KAZN: variants seen among roughly 807,000 people sequenced by gnomAD.
KAZN encodes the protein kazrin, periplakin interacting protein.
KAZN carries 40 observed loss-of-function variants against 87.4 expected under a neutral mutation model. The ratio of observed to expected loss-of-function variants is 0.46; its 90% confidence interval spans 0.36 to 0.60. The LOEUF (loss-of-function observed/expected upper bound fraction) is 0.60, where lower values mean the gene tolerates loss of function less well. Ranked by LOEUF, KAZN falls within the 20% of genes least tolerant of loss-of-function variation. The pLI is 0.00. For missense variants in KAZN, 898 were observed against 1,073.9 expected, an observed-to-expected ratio of 0.84 and a Z score of 2.29; for synonymous variants, 466 against 458.3, an observed-to-expected ratio of 1.02 and a Z score of -0.22.
At chr1:13,923,579 A>G (rs1640152539) in intron 1 of KAZN, among the ~76,000 whole-genome samples, 1 of 141,288 alleles carries the variant, frequency 7.1e-6, no homozygotes, top group African/African-American at 2.7e-5. Context: ...TCTCAAAAAA[A>G]AAAAAAAAAA....
chr1:13,947,060 C>G (rs1641174041), intron 1 of KAZN, among the ~76,000 whole-genome samples: 1 of 152,180 alleles, frequency 6.6e-6, no homozygotes, highest in African/African-American at 2.4e-5. Flanking sequence ...GATCTCTGCC[C>G]CCATGGTCAC....
intron 2 of KAZN, among the ~76,000 whole-genome samples, chr1:14,318,220 C>G (rs1426736728): frequency 6.6e-6 from 1 of 152,106 alleles, no homozygotes; most frequent in Admixed American, 6.6e-5. Context: ...AGAATTTCCT[C>G]TCACATCTCT....
At chr1:14,449,457 C>A (rs770987226) in intron 2 of KAZN, among the ~76,000 whole-genome samples, 3 of 152,210 alleles carry the variant, frequency 2.0e-5, no homozygotes, top group African/African-American at 7.2e-5. Flanking sequence ...TGACCTTGAG[C>A]TTAAAGCTTC....
At chr1:14,061,787 A>G (rs1281420257) in intron 1 of KAZN, among the ~76,000 whole-genome samples, 1 of 152,174 alleles carries the variant, frequency 6.6e-6, no homozygotes, top group Non-Finnish European at 1.5e-5. Flanking sequence ...ATTAAGGAGG[A>G]AGCTTGCCTT....
intron 2 of KAZN, among the ~76,000 whole-genome samples, chr1:14,204,311 A>G (rs1646696242): frequency 6.6e-6 from 1 of 152,226 alleles, no homozygotes; most frequent in Non-Finnish European, 1.5e-5. Flanking sequence ...CATACCTTGT[A>G]TAGGACATGC....
chr1:14,100,487 TG>T (rs1295446681), intron 1 of KAZN, among the ~76,000 whole-genome samples: 1 of 152,136 alleles, frequency 6.6e-6, no homozygotes, highest in East Asian at 1.9e-4. Context: ...GCATGAAGTC[TG>T]GGGGAAACCA....
intron 2 of KAZN, among the ~76,000 whole-genome samples, chr1:14,976,293 T>C (rs1374912714): frequency 1.3e-5 from 2 of 152,164 alleles, no homozygotes; most frequent in Non-Finnish European, 2.9e-5. Flanking sequence ...CTCAGCCTCC[T>C]GAGTAGCTGG....
At chr1:14,851,153 T>C (rs1294515920) in intron 1 of KAZN, among the ~76,000 whole-genome samples, 1 of 152,106 alleles carries the variant, frequency 6.6e-6, no homozygotes, top group African/African-American at 2.4e-5. Context: ...CCTAGACGGC[T>C]CACAGCTGTA....
intron 1 of KAZN, among the ~76,000 whole-genome samples, chr1:14,066,439 G>A (rs974890713): frequency 3.9e-4 from 59 of 152,306 alleles, no homozygotes; most frequent in Non-Finnish European, 5.0e-4. Flanking sequence ...CTGAATTCCT[G>A]TTGAATCTCG....
chr1:14,168,508 G>T (rs10489144), intron 1 of KAZN, among the ~76,000 whole-genome samples: 1 of 152,024 alleles, frequency 6.6e-6, no homozygotes, highest in Admixed American at 6.5e-5. Context: ...ATTAGAGGTG[G>T]CCTTTTTTGC....
chr1:14,983,519 T>TG (rs894989056), intron 2 of KAZN, among the ~76,000 whole-genome samples: 7 of 139,790 alleles, frequency 5.0e-5, no homozygotes, highest in African/African-American at 1.9e-4. Context: ...GTGACCCCTG[T>TG]GGGGGGAGCA....
At chr1:14,508,240 A>C (rs1210467182) in intron 2 of KAZN, among the ~76,000 whole-genome samples, 1 of 152,136 alleles carries the variant, frequency 6.6e-6, no homozygotes, top group Non-Finnish European at 1.5e-5. Flanking sequence ...ACTAGAAGAG[A>C]TAGTTCTGGG....
At chr1:14,342,296 T>C (rs1415985231) in intron 2 of KAZN, among the ~76,000 whole-genome samples, 3 of 152,220 alleles carry the variant, frequency 2.0e-5, no homozygotes, top group Non-Finnish European at 4.4e-5. Context: ...GCAATGAACA[T>C]ACATGTACAT....
At chr1:14,750,099 T>C (rs1055675457) in intron 1 of KAZN, among the ~76,000 whole-genome samples, 1 of 152,154 alleles carries the variant, frequency 6.6e-6, no homozygotes, top group African/African-American at 2.4e-5. Context: ...ACTGTGGTAA[T>C]GTAAGATGCG....
In KAZN at chr1:15,060,269, C is replaced by A; in HGVS notation, c.1014C>A (p.Asn338Lys). The change falls in exon 6 of 15, where the codon AAC becomes AAA. Residue 338 changes from asparagine to lysine, a missense_variant. Asn to Lys is a moderately conservative substitution (Grantham distance 94). Transcript: ENST00000376030. ...GGTCGTCCACACCGAGCGACATCAA[C>A]TCCCCTCGACACCGGACACACTCCC... is the stretch of plus-strand genomic sequence containing the variant. Reference protein sequence around the residue: ...GDRSSTPSDINSPRHRTHSLC... With the variant: ...GDRSSTPSDIKSPRHRTHSLC... 1 of 1,614,234 alleles carries A rather than the reference C, an allele frequency of 6.2e-7. No individual in the cohort carries two copies. The highest frequency in any genetic ancestry group is 8.5e-7 in the Non-Finnish European group (1 of 1,180,036).
At chr1:14,075,479 A>G (rs539825141) in intron 1 of KAZN, among the ~76,000 whole-genome samples, 1 of 152,282 alleles carries the variant, frequency 6.6e-6, no homozygotes, top group East Asian at 1.9e-4. Context: ...AAAACAGCAG[A>G]AGCACACTCC....
intron 1 of KAZN, among the ~76,000 whole-genome samples, chr1:14,737,331 T>C (rs1235299130): frequency 2.0e-5 from 3 of 152,108 alleles, no homozygotes; most frequent in Non-Finnish European, 4.4e-5. Context: ...ACTCAGCAGA[T>C]GGTTTTCGAA....
In KAZN at chr1:14,549,834, C is replaced by T. The variant is rs139985278; in HGVS notation, c.250-49149C>T. The stretch of plus-strand genomic sequence containing the variant: ...GCCTCTTGGATGCTATGATTGCCAA[C>T]TTCCTCAGCAGCCATGGCTTTAGCC... On this transcript the variant is annotated intron_variant, in intron 2 of 16. Transcript: ENST00000636203. Among the ~76,000 whole-genome samples the T allele has an allele frequency of 1.1e-3, 170 of 152,322 alleles. 1 individual carries two copies. The highest frequency in any genetic ancestry group is 1.6e-3 in the Non-Finnish European group (112 of 68,030).
chr1:13,966,779 A>AT (rs1641962938), intron 1 of KAZN, among the ~76,000 whole-genome samples: 1 of 152,190 alleles, frequency 6.6e-6, no homozygotes, highest in South Asian at 2.1e-4. Flanking sequence ...ATTTTTTATA[A>AT]TTTTTTATAT....
Sources: gnomAD v4.1 joint callset for allele counts (sites outside exome capture counted in the v4.1 genomes callset) on GRCh38, gnomAD v4.1.1 for gene constraint, MANE v1.5 for transcripts, NCBI Gene and HGNC (gene_info 2026-07-23, HGNC 2026-07-21) for gene names.